Variants in DYRK1A observed in about 807,000 individuals in gnomAD.
DYRK1A encodes the protein dual specificity tyrosine phosphorylation regulated kinase 1A, also known as dual specificity tyrosine-phosphorylation-regulated kinase 1A.
A neutral mutation model predicts 79.7 loss-of-function variants in DYRK1A; 9 were observed. The observed-to-expected ratio is 0.11, with a 90% CI of 0.07 to 0.20. The LOEUF (loss-of-function observed/expected upper bound fraction) is 0.20, where lower values mean the gene tolerates loss of function less well. Among genes scored for constraint, DYRK1A ranks in the 10% least tolerant of loss-of-function variants. DYRK1A has a pLI of 1.00. For synonymous variants in DYRK1A, 349 were observed against 329.7 expected (o/e 1.06, Z -0.63); for missense variants, 622 against 956.0 (o/e 0.65, Z 4.61).
Position 37,515,465 on chromosome 21 carries a change from C to T in DYRK1A, c.*2934C>T, listed in dbSNP as rs992791021. 2 of 152,066 alleles carry T rather than the reference C, an allele frequency of 1.3e-5. No homozygotes were observed. The highest frequency in any genetic ancestry group is 6.6e-5 in the Admixed American group (1 of 15,260). 9.4% of individuals were successfully genotyped at this position (152,066 alleles called of 1,614,324 possible). ...GCTCATATTTTAGTTGGTAGCATTT[C>T]GACTGGATGTGAGGGTCTGATGGTT... is the stretch of plus-strand genomic sequence containing the variant. On this transcript the variant is annotated 3_prime_UTR_variant, in exon 12 of 12. Coordinates refer to ENST00000647188, the MANE Select transcript of DYRK1A (RefSeq NM_001347721.2).
At chr21:37,491,069 C>A (rs1475653720) in intron 7 of DYRK1A, among the ~76,000 whole-genome samples, 1 of 152,092 alleles carries the variant, frequency 6.6e-6, no homozygotes, top group Non-Finnish European at 1.5e-5. Flanking sequence ...AGTTGATAGA[C>A]TTACTTGTTT....
rs759397951 is a variant in DYRK1A, at chr21:37,512,396, A to G, written c.2130A>G (p.Thr710=). The G allele has an allele frequency of 1.9e-5, 30 of 1,614,102 alleles. No homozygotes were observed. Among genetic ancestry groups the G allele is most frequent in the Middle Eastern group, 3.3e-4 (2 of 6,084 alleles). The change falls in exon 12 of 12, where the codon ACA becomes ACG. Residue 710 remains threonine (T), a synonymous_variant. Coordinates refer to ENST00000647188, the MANE Select transcript of DYRK1A (RefSeq NM_001347721.2). ...AGACTGGCATAGCTGGACATCCAAC[A>G]TACCAATTTTCTGCTAATACAGGTC... ...RQETGIAGHP[T]YQFSANTGPA...
chr21:37,368,975 C>A (rs189745811), intron 1 of DYRK1A, among the ~76,000 whole-genome samples: 2 of 152,030 alleles, frequency 1.3e-5, no homozygotes, highest in African/African-American at 2.4e-5. Flanking sequence ...CTTTCCCCCC[C>A]CAAGAAAACT....
In DYRK1A at chr21:37,401,270, TA is replaced by T. The variant is rs545286931; in HGVS notation, c.-76-19021del. Among the ~76,000 whole-genome samples, 38 of 152,110 alleles carry T rather than the reference TA, an allele frequency of 2.5e-4. No individual in the cohort carries two copies. In the South Asian group the frequency reaches 7.3e-3, roughly 29 times the overall value. ...ATAAAATATAAGCATATGTAGTGTT[TA>T]AAAAAAAGATGTTCACACTTAGAAA... On this transcript the variant is annotated intron_variant, in intron 1 of 11. Coordinates refer to ENST00000647188, the MANE Select transcript of DYRK1A (RefSeq NM_001347721.2).
intron 2 of DYRK1A, among the ~76,000 whole-genome samples, chr21:37,453,082 G>A (rs923233852): frequency 2.0e-5 from 3 of 152,202 alleles, no homozygotes. Flanking sequence ...TTGCACTCCA[G>A]CCTGGGTGAC....
At chr21:37,470,636 C>G (rs2052190002) in intron 2 of DYRK1A, among the ~76,000 whole-genome samples, 1 of 152,160 alleles carries the variant, frequency 6.6e-6, no homozygotes, top group Non-Finnish European at 1.5e-5. Context: ...TTAAGGACCT[C>G]AATTCTTTTT....
At chr21:37,415,414 C>T (rs954499945) in intron 1 of DYRK1A, 2 of 152,216 alleles carry the variant, frequency 1.3e-5, no homozygotes, top group Admixed American at 1.3e-4. Flanking sequence ...AAAATTGACT[C>T]ATCTGCTATT....
rs1601338912 is a variant in DYRK1A at position 37,513,026 on chromosome 21, A to G, written c.*495A>G. On this transcript the variant is annotated 3_prime_UTR_variant, in exon 12 of 12. Coordinates refer to ENST00000647188, the MANE Select transcript of DYRK1A (RefSeq NM_001347721.2). ...GGAAATTTGGGTTTTTAAGTCCTCT[A>G]AACACACTTGGGCACGGAAATGCAG... 2 of 160,144 alleles carry G rather than the reference A, an allele frequency of 1.2e-5. No individual in the cohort carries two copies. Among genetic ancestry groups the G allele is most frequent in the African/African-American group, 2.4e-5 (1 of 41,120 alleles). The allele number at this position is 160,144 out of a possible 1,614,324, so 9.9% of individuals were successfully genotyped here. A position where few individuals can be genotyped will look rare whatever the true frequency, so the allele number is the denominator to read the frequency against.
intron 1 of DYRK1A, among the ~76,000 whole-genome samples, chr21:37,403,049 G>A (rs2050081767): frequency 6.6e-6 from 1 of 152,100 alleles, no homozygotes; most frequent in African/African-American, 2.4e-5. Context: ...ACAAGCGTGA[G>A]CCACTGTCCC....
chr21:37,430,545 C>A, intron 2 of DYRK1A: 1 of 377,216 alleles, frequency 2.7e-6, no homozygotes, highest in Non-Finnish European at 3.6e-6. Context: ...AGTCCTCTGT[C>A]ATCATTTTGC....
At chr21:37,475,798 T>A (rs1229538877) in intron 3 of DYRK1A, among the ~76,000 whole-genome samples, 16 of 151,634 alleles carry the variant, frequency 1.1e-4, no homozygotes, top group Admixed American at 6.6e-4. Context: ...ATATTTGAAA[T>A]TTTTTTTTGA....
chr21:37,453,920 T>G (rs1569336462), intron 2 of DYRK1A, among the ~76,000 whole-genome samples: 1 of 152,096 alleles, frequency 6.6e-6, no homozygotes, highest in Non-Finnish European at 1.5e-5. Flanking sequence ...TAAAAATTGA[T>G]TTACTGAATC....
intron 3 of DYRK1A, among the ~76,000 whole-genome samples, chr21:37,476,140 T>C (rs1486837635): frequency 6.6e-6 from 1 of 152,196 alleles, no homozygotes; most frequent in African/African-American, 2.4e-5. Context: ...TTATAGTAGC[T>C]GCACTACGAT....
At chr21:37,417,535 T>TTTTC (rs2050375255) in intron 1 of DYRK1A, among the ~76,000 whole-genome samples, 1 of 35,190 alleles carries the variant, frequency 2.8e-5, no homozygotes, top group African/African-American at 9.2e-5. Context: ...TTTTCTTTTT[T>TTTTC]TTTTTTTTTT....
At chr21:37,414,338 A>C (rs892815584) in intron 1 of DYRK1A, among the ~76,000 whole-genome samples, 6 of 152,066 alleles carry the variant, frequency 3.9e-5, no homozygotes, top group Non-Finnish European at 7.4e-5. Flanking sequence ...GGATTTGAAT[A>C]TCTCTCTACC....
At chr21:37,507,255 T>C (rs549749325) in intron 11 of DYRK1A, among the ~76,000 whole-genome samples, 2 of 152,302 alleles carry the variant, frequency 1.3e-5, no homozygotes, top group South Asian at 2.1e-4. Context: ...AGCCCACTCA[T>C]TGCCCTGATC....
chr21:37,457,026 TTACTTAC>T (rs1569339450), intron 2 of DYRK1A, among the ~76,000 whole-genome samples: 108 of 70,722 alleles, frequency 1.5e-3, no homozygotes, highest in African/African-American at 5.6e-3. Flanking sequence ...ACTTACTTAC[TTACTTAC>T]TTACTTATTT....
rs1183029117 is a variant in DYRK1A at position 37,479,606 on chromosome 21, G to GTTTTTTTTTTTTTTTT, written c.301-1027_301-1026insTTTTTTTTTTTTTTTT. On this transcript the variant is annotated intron_variant, in intron 4 of 11. Transcript: ENST00000647188. ...GTGTTGGTGTTTTGTTTTTGTTTTT[G>GTTTTTTTTTTTTTTTT]TTTTTGTTTTTTGTTTTTTTTTTTT... Among the ~76,000 whole-genome samples, 78 of 27,590 alleles carry GTTTTTTTTTTTTTTTT rather than the reference G, an allele frequency of 2.8e-3. 10 individuals are homozygous for GTTTTTTTTTTTTTTTT. The highest frequency in any genetic ancestry group is 4.7e-3 in the Admixed American group (11 of 2,336). The allele number at this position is 27,590 out of a possible 152,430, so 18.1% of individuals were successfully genotyped here.
chr21:37,477,179 C>T (rs1010351053), intron 3 of DYRK1A, among the ~76,000 whole-genome samples: 40 of 152,136 alleles, frequency 2.6e-4, no homozygotes, highest in African/African-American at 9.2e-4. Flanking sequence ...TGTTTACTGT[C>T]ACTCTGCCCC....
Sources: allele counts gnomAD v4.1 joint callset (sites outside exome capture counted in the v4.1 genomes callset), GRCh38; gene constraint gnomAD v4.1.1; transcripts MANE v1.5; gene names NCBI Gene and HGNC (gene_info 2026-07-23, HGNC 2026-07-21).